SLC15A2: variants seen among roughly 807,000 people sequenced by gnomAD.
SLC15A2 encodes the protein kidney H(+)/peptide cotransporter.
In SLC15A2, 77 loss-of-function variants were observed where a neutral mutation model predicts 95.5. That is an observed-to-expected ratio of 0.81 (90% CI 0.67 to 0.97). The LOEUF is 0.97. SLC15A2 is among the 50% of genes least tolerant of loss of function. SLC15A2 has a pLI of 0.00. For missense variants in SLC15A2, 893 were observed against 874.4 expected (o/e 1.02, Z -0.27); for synonymous variants, 306 against 306.9 (o/e 1.00, Z 0.03).
At chr3:121,899,840 C>T (rs573223990) in intron 3 of SLC15A2, among the ~76,000 whole-genome samples, 1 of 152,180 alleles carries the variant, frequency 6.6e-6, no homozygotes, top group South Asian at 2.1e-4. Flanking sequence ...GAAATTACTC[C>T]CTAAGATCAC....
chr3:121,927,492 C>G (rs1710144169), intron 13 of SLC15A2, among the ~76,000 whole-genome samples: 1 of 152,240 alleles, frequency 6.6e-6, no homozygotes, highest in South Asian at 2.1e-4. Context: ...ATGTGACATG[C>G]CTATTCCACC....
chr3:121,922,892 C>T (rs1446098247), intron 9 of SLC15A2, 31 bp downstream of exon 9: 1 of 1,581,960 alleles, frequency 6.3e-7, no homozygotes, highest in Admixed American at 1.7e-5. Flanking sequence ...CATCTTATGG[C>T]TTGATAGAGT....
chr3:121,913,181 G>A (rs1329957506), intron 5 of SLC15A2, 61 bp downstream of exon 5: 3 of 1,293,882 alleles, frequency 2.3e-6, no homozygotes, highest in African/African-American at 1.5e-5. Flanking sequence ...GGGGGTATCT[G>A]GCAGGTAGCC....
chr3:121,921,678 C>T (rs1388736866), intron 7 of SLC15A2, among the ~76,000 whole-genome samples: 2 of 152,074 alleles, frequency 1.3e-5, no homozygotes, highest in Non-Finnish European at 2.9e-5. Context: ...TGGAAAGAAA[C>T]ATTTGGCATC....
chr3:121,906,076 T>A (rs13093033), intron 3 of SLC15A2, among the ~76,000 whole-genome samples: 1 of 152,192 alleles, frequency 6.6e-6, no homozygotes, highest in Non-Finnish European at 1.5e-5. Flanking sequence ...GTCTTCTTGT[T>A]GAATTGATCC....
intron 3 of SLC15A2, among the ~76,000 whole-genome samples, chr3:121,908,354 C>T (rs758638324): frequency 2.0e-5 from 3 of 152,224 alleles, no homozygotes; most frequent in African/African-American, 7.2e-5. Context: ...AGGCAATGCT[C>T]CACCCTGCTT....
intron 11 of SLC15A2, among the ~76,000 whole-genome samples, chr3:121,923,711 A>C (rs1476541832): frequency 6.6e-6 from 1 of 152,180 alleles, no homozygotes; most frequent in South Asian, 2.1e-4. Context: ...GGTTATACGT[A>C]TTATTTTCTC....
At chr3:121,925,234 C>T (rs2107599046) in intron 13 of SLC15A2, among the ~76,000 whole-genome samples, 1 of 147,064 alleles carries the variant, frequency 6.8e-6, no homozygotes, top group East Asian at 2.1e-4. Flanking sequence ...GAGTCAAAGC[C>T]ATTACTGTGG....
chr3:121,900,402 T>G (rs1709498607), intron 3 of SLC15A2, among the ~76,000 whole-genome samples: 2 of 152,308 alleles, frequency 1.3e-5, no homozygotes, highest in South Asian at 4.1e-4. Flanking sequence ...ATCTAAAATG[T>G]TTTTACTGCT....
At chr3:121,915,051 G>T in intron 5 of SLC15A2, 176 bp from the exon 6 acceptor site, 1 of 1,304,664 alleles carries the variant, frequency 7.7e-7, no homozygotes, top group Non-Finnish European at 1.0e-6. Flanking sequence ...GTGAGTAAAT[G>T]ATTGGGGTCA....
At position 121,913,073 on chromosome 3, in the gene SLC15A2, A is replaced by G. The variant is rs1442170019; in HGVS notation, c.481A>G (p.Lys161Glu). ...SLIALGTGGI[K>E]PCVAAFGGDQ... Reference sequence around the variant, plus strand: ...AATAGCTTTGGGGACAGGAGGCATCAAACCCTGTGTGGCAGCTTTTGGTGG... The same window carrying G: ...AATAGCTTTGGGGACAGGAGGCATCGAACCCTGTGTGGCAGCTTTTGGTGG... Residue 161 changes from lysine (K) to glutamate (E), a missense_variant, in exon 5 of 22, where the codon AAA (lysine) becomes GAA (glutamate). Lys to Glu is a moderately conservative substitution (Grantham distance 56). Coordinates refer to ENST00000489711, the MANE Select transcript of SLC15A2 (RefSeq NM_021082.4). 1.2e-6 allele frequency: 2 copies of G among 1,614,068 alleles called. No homozygotes were observed. The highest frequency in any genetic ancestry group is 3.3e-5 in the Admixed American group (2 of 60,018).
chr3:121,930,293 T>A (rs576638357), intron 17 of SLC15A2, among the ~76,000 whole-genome samples: 1 of 152,290 alleles, frequency 6.6e-6, no homozygotes, highest in South Asian at 2.1e-4. Flanking sequence ...AAAGATGGTC[T>A]TGGAAGGGTC....
At chr3:121,898,866 C>T (rs1352775708) in intron 3 of SLC15A2, among the ~76,000 whole-genome samples, 1 of 152,106 alleles carries the variant, frequency 6.6e-6, no homozygotes, top group Non-Finnish European at 1.5e-5. Context: ...GTTCATTATT[C>T]TATAAGTGTT....
At chr3:121,926,634 G>A (rs1176432041) in intron 13 of SLC15A2, among the ~76,000 whole-genome samples, 1 of 152,242 alleles carries the variant, frequency 6.6e-6, no homozygotes, top group Admixed American at 6.5e-5. Context: ...TACTAGGGCA[G>A]TGTGGAGGTA....
chr3:121,905,824 A>G (rs771209035), intron 3 of SLC15A2, among the ~76,000 whole-genome samples: 24 of 152,202 alleles, frequency 1.6e-4, no homozygotes, highest in Middle Eastern at 3.4e-3. Context: ...TGTATATTCT[A>G]TTGATTTGGG....
chr3:121,925,494 G>A (rs897170527), intron 13 of SLC15A2, among the ~76,000 whole-genome samples: 8 of 151,486 alleles, frequency 5.3e-5, no homozygotes, highest in Admixed American at 2.0e-4. Flanking sequence ...CTAAATAGAA[G>A]GACTAGTCTT....
chr3:121,929,754 G>A (rs992634647), intron 17 of SLC15A2, among the ~76,000 whole-genome samples: 2 of 152,016 alleles, frequency 1.3e-5, no homozygotes, highest in Non-Finnish European at 2.9e-5. Context: ...GCCTGTAGAG[G>A]CATCATGGTA....
At chr3:121,899,167 G>A (rs1709475882) in intron 3 of SLC15A2, among the ~76,000 whole-genome samples, 2 of 152,136 alleles carry the variant, frequency 1.3e-5, no homozygotes, top group African/African-American at 4.8e-5. Flanking sequence ...GATTTGGTGA[G>A]CAATTGTTTC....
chr3:121,910,298 G>A (rs1427518884), intron 3 of SLC15A2, among the ~76,000 whole-genome samples: 1 of 149,370 alleles, frequency 6.7e-6, no homozygotes, highest in Non-Finnish European at 1.5e-5. Flanking sequence ...CCTGGTTCAA[G>A]CGATTCTCCT....
Sources: allele counts gnomAD v4.1 joint callset (sites outside exome capture counted in the v4.1 genomes callset), GRCh38; gene constraint gnomAD v4.1.1; transcripts MANE v1.5; gene names NCBI Gene and HGNC (gene_info 2026-07-23, HGNC 2026-07-21).